The following PRKN variants were observed in gnomAD, a reference collection of about 807,000 sequenced individuals.
PRKN encodes the protein parkin RBR E3 ubiquitin protein ligase.
In PRKN, 56 loss-of-function variants were observed where a neutral mutation model predicts 59.5. The ratio of observed to expected loss-of-function variants is 0.94; its 90% CI spans 0.76 to 1.18. PRKN has a LOEUF of 1.18. Among genes scored for constraint, PRKN ranks in the 50% most tolerant of loss-of-function variants. PRKN has a pLI of 0.00. For synonymous variants in PRKN, 250 were observed against 222.1 expected, an observed-to-expected ratio of 1.13 and a Z score of -1.12; for missense variants, 657 against 596.4, an observed-to-expected ratio of 1.10 and a Z score of -1.06.
In PRKN at chr6:161,550,221, G is replaced by A. The variant is rs981554216; in HGVS notation, c.934-1218C>T. The stretch of plus-strand genomic sequence containing the variant: ...GGGGCGGAGGCAGAGAGAACAAGGA[G>A]GGAAAAAAACAGAAGGTGAAGTTGG... On this transcript the variant is annotated intron_variant, in intron 8 of 11. Coordinates refer to ENST00000366898, the MANE Select transcript of PRKN (RefSeq NM_004562.3). The surrounding 1 kb of genome is among the most constrained non-coding windows in gnomAD (Gnocchi z 4.0). Among the ~76,000 whole-genome samples, 12 of 152,026 alleles carry A rather than the reference G, an allele frequency of 7.9e-5. No homozygotes were observed. Among genetic ancestry groups the A allele is most frequent in the Non-Finnish European group, 1.8e-4 (12 of 67,994 alleles).
intron 4 of PRKN, among the ~76,000 whole-genome samples, chr6:162,159,889 T>C (rs1782682041): frequency 6.6e-6 from 1 of 152,202 alleles, no homozygotes; most frequent in Non-Finnish European, 1.5e-5. Context: ...ATCAATTAAA[T>C]TGATCTGATC....
intron 1 of PRKN, among the ~76,000 whole-genome samples, chr6:162,509,649 A>G (rs113696108): frequency 6.6e-6 from 1 of 152,224 alleles, no homozygotes; most frequent in East Asian, 1.9e-4. Flanking sequence ...TAGAAAAGTT[A>G]CAGAGATAGC....
chr6:162,126,289 C>T (rs1461355472), intron 4 of PRKN, among the ~76,000 whole-genome samples: 1 of 152,084 alleles, frequency 6.6e-6, no homozygotes, highest in African/African-American at 2.4e-5. Flanking sequence ...CAGGGCTTAG[C>T]CAGTGGTACC....
chr6:162,211,111 T>C (rs1785181398), intron 3 of PRKN, among the ~76,000 whole-genome samples: 1 of 152,132 alleles, frequency 6.6e-6, no homozygotes. Flanking sequence ...AACCACATGA[T>C]AATAACCTTG....
intron 7 of PRKN, among the ~76,000 whole-genome samples, chr6:161,750,434 T>C (rs764613353): frequency 3.3e-5 from 5 of 152,040 alleles, no homozygotes; most frequent in African/African-American, 4.8e-5. Context: ...TCATGGCATG[T>C]TTTTTTCTTC....
intron 2 of PRKN, among the ~76,000 whole-genome samples, chr6:162,356,514 A>T (rs1784862313): frequency 6.6e-6 from 1 of 151,036 alleles, no homozygotes. Context: ...AATATTTAAG[A>T]AATAATCTAA....
chr6:162,134,178 C>A (rs1345415521), intron 4 of PRKN, among the ~76,000 whole-genome samples: 1 of 152,104 alleles, frequency 6.6e-6, no homozygotes. Context: ...AGCATGGGAA[C>A]TGGTGGAGCT....
chr6:161,788,036 C>A (rs1488925171), intron 6 of PRKN, among the ~76,000 whole-genome samples: 6 of 152,232 alleles, frequency 3.9e-5, no homozygotes, highest in Non-Finnish European at 2.9e-5. Flanking sequence ...ACTCCCGCCA[C>A]AGTGGCCCAG....
intron 2 of PRKN, among the ~76,000 whole-genome samples, chr6:162,360,408 T>C (rs1360188863): frequency 6.6e-6 from 1 of 152,152 alleles, no homozygotes; most frequent in Non-Finnish European, 1.5e-5. Context: ...TTAAAATAAG[T>C]GCTAAACAAA....
chr6:162,567,332 C>T (rs1202753451), intron 1 of PRKN, among the ~76,000 whole-genome samples: 1 of 152,150 alleles, frequency 6.6e-6, no homozygotes, highest in East Asian at 1.9e-4. Context: ...GTCAAATTAT[C>T]CTTGTCTGCA....
At position 161,554,142 on chromosome 6, in the gene PRKN, C is replaced by A. The variant is rs1444708107; in HGVS notation, c.934-5139G>T. 6.6e-6 allele frequency among the ~76,000 whole-genome samples: 1 copy of A among 152,150 alleles called. No individual in the cohort carries two copies. The highest frequency in any genetic ancestry group is 1.5e-5 in the Non-Finnish European group (1 of 68,022). ...ACCTCTGTTGCTCCTTTCTTCCACA[C>A]TGGTTCTCAAGAACACAGAAGATGA... On this transcript the variant is annotated intron_variant, in intron 8 of 11. Coordinates refer to ENST00000366898, the MANE Select transcript of PRKN (RefSeq NM_004562.3). This position sits in a 1 kb window ranked among gnomAD's most constrained non-coding sequence, Gnocchi z 4.5.
intron 2 of PRKN, among the ~76,000 whole-genome samples, chr6:162,414,536 A>G (rs973799348): frequency 2.2e-4 from 33 of 150,826 alleles, no homozygotes; most frequent in Non-Finnish European, 2.8e-4. Context: ...TGAAACCCCT[A>G]TCTCTACTAA....
intron 4 of PRKN, among the ~76,000 whole-genome samples, chr6:162,195,884 C>T (rs2128328242): frequency 6.6e-6 from 1 of 152,262 alleles, no homozygotes; most frequent in African/African-American, 2.4e-5. Flanking sequence ...AATTTTGCTC[C>T]CAGGAAAATA....
rs1185044433 is a variant in PRKN at position 161,547,439 on chromosome 6, C to T, written c.1083+1415G>A. 1.3e-5 allele frequency among the ~76,000 whole-genome samples: 2 copies of T among 152,316 alleles called. No homozygotes were observed. Among genetic ancestry groups the T allele is most frequent in the African/African-American group, 2.4e-5 (1 of 41,576 alleles). ...GAAGATAAAGATATTCAAGATTTCACATTACATAAACCCTTCAACATTCTT... is the reference window on the plus strand; with the variant it reads ...GAAGATAAAGATATTCAAGATTTCATATTACATAAACCCTTCAACATTCTT... On this transcript the variant is annotated intron_variant, in intron 9 of 11. Transcript: ENST00000366898. The surrounding 1 kb of genome is among the most constrained non-coding windows in gnomAD (Gnocchi z 4.0).
At chr6:162,332,897 T>C (rs1480845162) in intron 2 of PRKN, among the ~76,000 whole-genome samples, 1 of 152,136 alleles carries the variant, frequency 6.6e-6, no homozygotes, top group Non-Finnish European at 1.5e-5. Flanking sequence ...GGAGGTTTTT[T>C]CCTTCCAACT....
intron 2 of PRKN, among the ~76,000 whole-genome samples, chr6:162,357,145 A>G (rs1784906704): frequency 6.6e-6 from 1 of 152,118 alleles, no homozygotes; most frequent in African/African-American, 2.4e-5. Flanking sequence ...AAAATTAAAG[A>G]CTTCTGCTCT....
At chr6:161,647,297 T>C (rs935747900) in intron 7 of PRKN, among the ~76,000 whole-genome samples, 1 of 152,200 alleles carries the variant, frequency 6.6e-6, no homozygotes, top group Non-Finnish European at 1.5e-5. Flanking sequence ...GAGGGTCTGA[T>C]AGGGCATGAC....
At chr6:162,636,995 G>A (rs561063211) in intron 1 of PRKN, among the ~76,000 whole-genome samples, 2 of 151,712 alleles carry the variant, frequency 1.3e-5, no homozygotes, top group East Asian at 1.9e-4. Flanking sequence ...GGTGGCTCAC[G>A]CCTGTAATCC....
chr6:161,969,264 ATTTGT>A (rs1780704755), intron 6 of PRKN, among the ~76,000 whole-genome samples: 1 of 129,384 alleles, frequency 7.7e-6, no homozygotes, highest in African/African-American at 2.8e-5. Context: ...TTTCAGTCTT[ATTTGT>A]TTTTTTTTTT....
Sources: gnomAD v4.1 joint callset for allele counts (sites outside exome capture counted in the v4.1 genomes callset) on GRCh38, gnomAD v4.1.1 for gene constraint, Gnocchi (gnomAD v3.1) non-coding constraint, MANE v1.5 for transcripts, NCBI Gene and HGNC (gene_info 2026-07-23, HGNC 2026-07-21) for gene names.